TBCB: variants seen among roughly 807,000 people sequenced by gnomAD.
TBCB encodes the protein tubulin folding cofactor B, also known as tubulin-folding cofactor B.
In TBCB, 18 loss-of-function variants were observed where a neutral mutation model predicts 29.2. The ratio of observed to expected loss-of-function variants is 0.62; its 90% CI spans 0.43 to 0.91. TBCB has a LOEUF of 0.91. Among genes scored for constraint, TBCB ranks in the 40% least tolerant of loss-of-function variants. TBCB has a pLI of 0.00. For missense variants in TBCB, 336 were observed against 337.6 expected (o/e 1.00, Z 0.04); for synonymous variants, 172 against 137.8 (o/e 1.25, Z -1.74).
intron 4 of TBCB, 96 bp downstream of exon 4, chr19:36,121,814 T>C (rs1381167256): frequency 6.8e-7 from 1 of 1,473,224 alleles, no homozygotes; most frequent in Non-Finnish European, 9.3e-7. Context: ...ACGCTCTGCC[T>C]AGGGGCGCGG....
At chr19:36,117,120 C>T (rs748400617) in intron 2 of TBCB, among the ~76,000 whole-genome samples, 7 of 152,166 alleles carry the variant, frequency 4.6e-5, no homozygotes, top group Non-Finnish European at 5.9e-5. Flanking sequence ...TCAGTGTTAA[C>T]GTTTACCTCA....
chr19:36,119,994 A>G (rs1335917794), intron 2 of TBCB, among the ~76,000 whole-genome samples: 1 of 150,550 alleles, frequency 6.6e-6, no homozygotes, highest in African/African-American at 2.4e-5. Context: ...CTAGAGCGTG[A>G]AGGACATTTC....
In TBCB at chr19:36,120,756, C is replaced by T. The variant is rs1437377322; in HGVS notation, c.305C>T (p.Ser102Phe). Reference sequence around the variant, plus strand: ...CGCCTTGGTGAGTATGAGGACGTGTCCCGGGTGGAGAAGTACACGATCTCA... The same window carrying T: ...CGCCTTGGTGAGTATGAGGACGTGTTCCGGGTGGAGAAGTACACGATCTCA... The part of the protein sequence containing the change: ...GARLGEYEDV[S>F]RVEKYTISQE... Residue 102 changes from serine to phenylalanine, a missense_variant, in exon 3 of 6, where the codon TCC (serine) becomes TTC (phenylalanine). Coordinates refer to ENST00000221855, the MANE Select transcript of TBCB (RefSeq NM_001281.3). 1 of 1,613,894 alleles carries T rather than the reference C, an allele frequency of 6.2e-7. No homozygotes were observed. The highest frequency in any genetic ancestry group is 1.3e-5 in the African/African-American group (1 of 74,982).
intron 4 of TBCB, chr19:36,121,924 A>G: frequency 1.5e-6 from 1 of 685,882 alleles, no homozygotes; most frequent in African/African-American, 1.8e-5. Context: ...TGGGAGGCGC[A>G]GGCGGAGTGA....
chr19:36,125,512 A>G lies in TBCB; in HGVS notation c.609A>G (p.Lys203=), dbSNP rs1318945264. 3.1e-6 allele frequency: 5 copies of G among 1,614,234 alleles called. No homozygotes were observed. In the South Asian group the frequency reaches 5.5e-5, roughly 18 times the overall value. The change falls in exon 5 of 6, where the codon AAA becomes AAG. Residue 203 remains lysine (K), a synonymous_variant. Coordinates refer to ENST00000221855, the MANE Select transcript of TBCB (RefSeq NM_001281.3). ...IGVRYDEPLG[K]NDGSVNGKRY... ...TCCGCTATGATGAGCCACTGGGGAA[A>G]AATGATGGCAGGTAACAAGAATTCC...
At chr19:36,120,540 T>G in intron 2 of TBCB, 170 bp from the exon 3 acceptor site, 1 of 587,358 alleles carries the variant, frequency 1.7e-6, no homozygotes, top group Non-Finnish European at 3.0e-6. Flanking sequence ...GTGGCCAGTG[T>G]ACGTAGCTAC....
In TBCB at chr19:36,116,024, C is replaced by G. The variant is rs1973946360; in HGVS notation, c.115-17C>G. On this transcript the variant is annotated splice_polypyrimidine_tract_variant and intron_variant, in intron 1 of 5. Coordinates refer to ENST00000221855, the MANE Select transcript of TBCB (RefSeq NM_001281.3). ...CCTCCGTGGCCTCCTTCTTCTCACCCTGCCTCCTCCTCACAGTGTAAACTG... is the reference window on the plus strand; with the variant it reads ...CCTCCGTGGCCTCCTTCTTCTCACCGTGCCTCCTCCTCACAGTGTAAACTG... 1 of 1,609,542 alleles carries G rather than the reference C, an allele frequency of 6.2e-7. No individual in the cohort carries two copies. The highest frequency in any genetic ancestry group is 8.5e-7 in the Non-Finnish European group (1 of 1,176,430).
At chr19:36,117,917 C>T (rs1023016867) in intron 2 of TBCB, 1 of 151,960 alleles carries the variant, frequency 6.6e-6, no homozygotes, top group Non-Finnish European at 1.5e-5. Flanking sequence ...AGATGCCCGC[C>T]ACTACACCAG....
At position 36,121,561 on chromosome 19, in the gene TBCB, C is replaced by CG; in HGVS notation, c.392dup (p.Arg132ProfsTer35). 1 of 1,560,680 alleles carries CG rather than the reference C, an allele frequency of 6.4e-7. No individual in the cohort carries two copies. Among genetic ancestry groups the CG allele is most frequent in the Non-Finnish European group, 8.7e-7 (1 of 1,154,238 alleles). ...GCTCTTTCCTGAAGCGCAGCAAGCT[C>CG]GGCCGGTACAACGAGGAGGAGCGGG... is the stretch of plus-strand genomic sequence containing the variant. On this transcript the variant is annotated frameshift_variant, in exon 4 of 6. Transcript: ENST00000221855. LOFTEE classifies it high-confidence loss of function.
chr19:36,115,788 A>T, intron 1 of TBCB, 114 bp downstream of exon 1: 1 of 1,154,414 alleles, frequency 8.7e-7, no homozygotes, highest in Non-Finnish European at 1.2e-6. Context: ...AGGTGATCCC[A>T]GGCTGCGGAG....
intron 1 of TBCB, 73 bp from the exon 2 acceptor site, chr19:36,115,968 G>A (rs1006735133): frequency 3.6e-5 from 57 of 1,565,648 alleles, no homozygotes; most frequent in Non-Finnish European, 4.8e-5. Flanking sequence ...GAAAAGGGAC[G>A]TGGCGATGGT....
chr19:36,121,839 C>G (rs1259025018), intron 4 of TBCB, 121 bp downstream of exon 4: 1 of 1,261,792 alleles, frequency 7.9e-7, no homozygotes, highest in South Asian at 1.4e-5. Context: ...GGGGGGGACT[C>G]GAAACGATCT....
chr19:36,121,404 GTGACAGCCCTT>G, intron 3 of TBCB, 112 bp from the exon 4 acceptor site: 1 of 1,227,658 alleles, frequency 8.1e-7, no homozygotes, highest in Non-Finnish European at 1.1e-6. Context: ...TGGGGCTTGG[GTGACAGCCCTT>G]TGTCACCTGG....
At position 36,121,579 on chromosome 19, in the gene TBCB, G is replaced by C. The variant is rs2231575; in HGVS notation, c.408G>C (p.Glu136Asp). 1.3e-6 allele frequency: 2 copies of C among 1,558,354 alleles called. No individual in the cohort carries two copies. The highest frequency in any genetic ancestry group is 1.9e-5 in the Admixed American group (1 of 52,316). The change falls in exon 4 of 6, where the codon GAG becomes GAC. Residue 136 changes from glutamate to aspartate, a missense_variant. Physicochemically the swap from Glu to Asp is conservative, Grantham distance 45. Transcript: ENST00000221855. ...KRSKLGRYNEEERAQQEAEAA... is the reference protein window; with the variant it reads ...KRSKLGRYNEDERAQQEAEAA... ...GCAAGCTCGGCCGGTACAACGAGGAGGAGCGGGCTCAGCAGGAGGCCGAGG... is the reference window on the plus strand; with the variant it reads ...GCAAGCTCGGCCGGTACAACGAGGACGAGCGGGCTCAGCAGGAGGCCGAGG...
At chr19:36,124,973 C>T (rs1225963502) in intron 4 of TBCB, among the ~76,000 whole-genome samples, 2 of 150,938 alleles carry the variant, frequency 1.3e-5, no homozygotes, top group South Asian at 2.1e-4. Flanking sequence ...CTTTGAGTTC[C>T]TTGTATATTC....
chr19:36,120,851 G>A lies in TBCB; in HGVS notation c.355+45G>A, dbSNP rs779081257. 4.4e-6 allele frequency: 7 copies of A among 1,585,696 alleles called. No homozygotes were observed. In the South Asian group the frequency reaches 4.4e-5, roughly 10 times the overall value. On this transcript the variant is annotated intron_variant, in intron 3 of 5. Transcript: ENST00000221855. Reference sequence around the variant, plus strand: ...GAGGGGTGCGTGGGGGCCAGAGGGAGTATGTGCAGGTATGAGGGCGGGCAG... The same window carrying A: ...GAGGGGTGCGTGGGGGCCAGAGGGAATATGTGCAGGTATGAGGGCGGGCAG...
chr19:36,115,794 C>T (rs1307276920), intron 1 of TBCB, 120 bp downstream of exon 1: 5 of 1,157,492 alleles, frequency 4.3e-6, no homozygotes, highest in Non-Finnish European at 6.2e-6. Flanking sequence ...TCCCAGGCTG[C>T]GGAGGCTGGG....
intron 2 of TBCB, among the ~76,000 whole-genome samples, chr19:36,119,854 C>A (rs1232494990): frequency 6.6e-6 from 1 of 151,604 alleles, no homozygotes. Flanking sequence ...TGAGATCACA[C>A]CACCACACTC....
At chr19:36,118,377 G>A (rs1461049044) in intron 2 of TBCB, among the ~76,000 whole-genome samples, 1 of 152,154 alleles carries the variant, frequency 6.6e-6, no homozygotes, top group Non-Finnish European at 1.5e-5. Flanking sequence ...TGGAGGTGGT[G>A]CTGCTGGAGC....
Sources: allele counts gnomAD v4.1 joint callset (sites outside exome capture counted in the v4.1 genomes callset), GRCh38; gene constraint gnomAD v4.1.1; transcripts MANE v1.5; gene names NCBI Gene and HGNC (gene_info 2026-07-23, HGNC 2026-07-21).